The following OVCH1 variants were observed in gnomAD, a reference collection of about 807,000 sequenced individuals.
OVCH1 encodes the protein ovochymase-1.
In OVCH1, 139 loss-of-function variants were observed where a neutral mutation model predicts 138.4. The observed-to-expected ratio is 1.00, with a 90% CI of 0.87 to 1.16. The LOEUF (loss-of-function observed/expected upper bound fraction) is 1.16, where lower values mean the gene tolerates loss of function less well. Ranked by LOEUF, OVCH1 falls within the 50% of genes most tolerant of loss-of-function variation. The pLI, the probability that OVCH1 is intolerant of heterozygous loss-of-function variation, is 0.00. For synonymous variants in OVCH1, 453 were observed against 467.8 expected, an observed-to-expected ratio of 0.97 and a Z score of 0.41; for missense variants, 1,367 against 1,357.9, an observed-to-expected ratio of 1.01 and a Z score of -0.11.
intron 22 of OVCH1, among the ~76,000 whole-genome samples, chr12:29,450,606 C>G (rs904916464): frequency 6.6e-6 from 1 of 152,082 alleles, no homozygotes; most frequent in Non-Finnish European, 1.5e-5. Flanking sequence ...AATACAGTGT[C>G]GCGATTCCTC....
intron 19 of OVCH1, among the ~76,000 whole-genome samples, chr12:29,460,131 A>G (rs1378739664): frequency 2.0e-5 from 3 of 152,194 alleles, no homozygotes; most frequent in East Asian, 3.9e-4. Flanking sequence ...CTGCAGCCAA[A>G]GTGACAGTTG....
chr12:29,487,045 T>C, intron 7 of OVCH1: 1 of 394,414 alleles, frequency 2.5e-6, no homozygotes, highest in Admixed American at 2.9e-5. Context: ...AAAAGCCCTG[T>C]CAGGTGGCTG....
chr12:29,466,042 A>T (rs916816440), intron 16 of OVCH1, among the ~76,000 whole-genome samples: 21 of 147,764 alleles, frequency 1.4e-4, no homozygotes, highest in African/African-American at 4.5e-4. Context: ...GTGGGAATTG[A>T]ATAATGAGAA....
chr12:29,464,867 C>T, intron 17 of OVCH1, 165 bp from the exon 18 acceptor site: 1 of 707,572 alleles, frequency 1.4e-6, no homozygotes, highest in Non-Finnish European at 2.3e-6. Context: ...TTACAATTTG[C>T]AGGGGGCTAT....
intron 16 of OVCH1, among the ~76,000 whole-genome samples, chr12:29,467,866 A>G (rs1942372277): frequency 1.3e-5 from 2 of 152,208 alleles, no homozygotes; most frequent in Non-Finnish European, 2.9e-5. Flanking sequence ...TTGAGAATTA[A>G]TACTGGAGTC....
chr12:29,406,143 T>C, the OVCH1 span, among the ~76,000 whole-genome samples: 2 of 152,348 alleles, frequency 1.3e-5, no homozygotes, highest in East Asian at 3.9e-4. Flanking sequence ...AGTTTGTGTA[T>C]GTTTAGAGTA....
chr12:29,448,392 C>T (rs1169514457), intron 22 of OVCH1, among the ~76,000 whole-genome samples: 1 of 151,602 alleles, frequency 6.6e-6, no homozygotes, highest in East Asian at 1.9e-4. Flanking sequence ...AGTCTGGAGG[C>T]AGGGGCGTGA....
chr12:29,405,261 C>T, the OVCH1 span, among the ~76,000 whole-genome samples: 163 of 152,114 alleles, frequency 1.1e-3, 1 homozygote, highest in Non-Finnish European at 1.7e-3. Flanking sequence ...TGCATCTATA[C>T]CTCTTTATGA....
chr12:29,423,257 T>TG (rs1286924640), downstream of OVCH1: 2 of 455,970 alleles, frequency 4.4e-6, no homozygotes, highest in South Asian at 3.1e-5. Context: ...TAAGCAGCAC[T>TG]GGATATCAAG....
At chr12:29,406,476 C>T in the OVCH1 span, among the ~76,000 whole-genome samples, 1 of 151,794 alleles carries the variant, frequency 6.6e-6, no homozygotes, top group Non-Finnish European at 1.5e-5. Flanking sequence ...CCACAACAGT[C>T]CCCAGAGTGT....
At chr12:29,425,509 A>G (rs944527389), downstream of OVCH1, among the ~76,000 whole-genome samples, 1 of 152,206 alleles carries the variant, frequency 6.6e-6, no homozygotes. Context: ...CCTTGTGTCA[A>G]AAGGCATCAA....
intron 19 of OVCH1, among the ~76,000 whole-genome samples, chr12:29,460,345 C>A (rs1280553834): frequency 6.6e-6 from 1 of 152,132 alleles, no homozygotes; most frequent in African/African-American, 2.4e-5. Flanking sequence ...CCCTCAAATC[C>A]TACAATAGAC....
chr12:29,496,707 A>ACAT, intron 1 of OVCH1, 33 bp from the exon 2 acceptor site: 9 of 1,495,642 alleles, frequency 6.0e-6, no homozygotes, highest in South Asian at 1.2e-5. Flanking sequence ...GTGCACACAC[A>ACAT]GAGCCTTATG....
At chr12:29,479,512 A>G (rs559180485) in intron 8 of OVCH1, among the ~76,000 whole-genome samples, 1 of 152,156 alleles carries the variant, frequency 6.6e-6, no homozygotes, top group African/African-American at 2.4e-5. Context: ...TTGACACATA[A>G]TCCCTTACCT....
At chr12:29,460,948 A>G (rs1255868112) in intron 19 of OVCH1, among the ~76,000 whole-genome samples, 1 of 152,220 alleles carries the variant, frequency 6.6e-6, no homozygotes, top group Non-Finnish European at 1.5e-5. Flanking sequence ...ACTTATATTC[A>G]GTGTTAAAGG....
exon 23 of OVCH1, chr12:29,445,302 T>G (rs757088563): frequency 6.2e-7 from 1 of 1,611,906 alleles, no homozygotes; most frequent in South Asian, 1.1e-5. Flanking sequence ...ACAATATAGC[T>G]TATACCAAAT....
chr12:29,439,361 G>T lies in OVCH1; in HGVS notation c.3231C>A (p.Asn1077Lys), dbSNP rs769241703. Reference sequence around the variant, plus strand: ...TTTCCCATATATGCATGATATATGTGTTAATAAAATTCAGTTTTTCTCTTT... The same window carrying T: ...TTTCCCATATATGCATGATATATGTTTTAATAAAATTCAGTTTTTCTCTTT... Residue 1077 changes from asparagine (N) to lysine (K), a missense_variant, in exon 26 of 28, where the codon AAC (asparagine) becomes AAA (lysine). Asn to Lys is a moderately conservative substitution (Grantham distance 94). Coordinates refer to ENST00000318184, the Ensembl canonical transcript of OVCH1. The T allele has an allele frequency of 1.0e-5, 16 of 1,579,358 alleles. No individual in the cohort carries two copies. In the East Asian group the frequency reaches 3.2e-4, roughly 31 times the overall value.
chr12:29,432,832 G>A (rs1317170434), intron 27 of OVCH1, among the ~76,000 whole-genome samples: 1 of 151,996 alleles, frequency 6.6e-6, no homozygotes, highest in Admixed American at 6.5e-5. Context: ...CTCCTTTTTT[G>A]GAGACCAAAA....
At chr12:29,464,416 G>A in intron 18 of OVCH1, 91 bp downstream of exon 18, 1 of 1,319,536 alleles carries the variant, frequency 7.6e-7, no homozygotes, top group Non-Finnish European at 1.1e-6. Context: ...AAGAAGAGGG[G>A]CTGAAGCGGA....
Sources: gnomAD v4.1 joint callset for allele counts (sites outside exome capture counted in the v4.1 genomes callset) on GRCh38, gnomAD v4.1.1 for gene constraint, MANE v1.5 for transcripts, NCBI Gene and HGNC (gene_info 2026-07-23, HGNC 2026-07-21) for gene names.